EMC8: variants seen among roughly 807,000 people sequenced by gnomAD.
The protein encoded by EMC8 is COX4 neighbor.
A neutral mutation model predicts 24.3 loss-of-function variants in EMC8; 11 were observed. That is an observed-to-expected ratio of 0.45 (90% CI 0.28 to 0.75). The LOEUF (loss-of-function observed/expected upper bound fraction) is 0.75, where lower values mean the gene tolerates loss of function less well. Ranked by LOEUF, EMC8 falls within the 30% of genes least tolerant of loss-of-function variation. EMC8 has a pLI of 0.12. For synonymous variants in EMC8, 145 were observed against 117.7 expected, an observed-to-expected ratio of 1.23 and a Z score of -1.50; for missense variants, 277 against 282.7, an observed-to-expected ratio of 0.98 and a Z score of 0.14.
rs1460020392 is a variant in EMC8 at position 85,781,207 on chromosome 16, T to C, written c.378+4A>G. 3 of 1,612,308 alleles carry C rather than the reference T, an allele frequency of 1.9e-6. No homozygotes were observed. Among genetic ancestry groups the C allele is most frequent in the South Asian group, 2.2e-5 (2 of 91,010 alleles). On this transcript the variant is annotated splice_donor_region_variant and intron_variant, in intron 3 of 4. Coordinates refer to ENST00000253457, the MANE Select transcript of EMC8 (RefSeq NM_006067.5). ...CTCCCACATGCTGCACAGAAGCGAC[T>C]TACCATGATGAGCGCAGTGTCGCTG... is the stretch of plus-strand genomic sequence containing the variant.
intron 1 of EMC8, among the ~76,000 whole-genome samples, chr16:85,794,606 T>C (rs75051529): frequency 2.6e-5 from 4 of 152,238 alleles, no homozygotes; most frequent in African/African-American, 9.6e-5. Context: ...GGAGAATCGC[T>C]TGAACCTGAG....
chr16:85,799,069 G>T lies in EMC8; in HGVS notation c.227C>A (p.Thr76Asn). The change falls in exon 1 of 5, where the codon ACC becomes AAC. Residue 76 changes from threonine (T) to asparagine (N), a missense_variant. By Grantham distance (65) the Thr-to-Asn change is moderately conservative. Coordinates refer to ENST00000253457, the MANE Select transcript of EMC8 (RefSeq NM_006067.5). This position sits in a 1 kb window ranked among gnomAD's most constrained non-coding sequence, Gnocchi z 4.2. The stretch of plus-strand genomic sequence containing the variant: ...AGGGGCCCTTTCCGCGCTTACCAGG[G>T]TGAGAGCCACCTCCAGCATGGGGGC... ...ALAPMLEVAL[T>N]LIDSWCKDHS... is the part of the protein sequence containing the mutation. 4 of 1,546,358 alleles carry T rather than the reference G, an allele frequency of 2.6e-6. No homozygotes were observed. Among genetic ancestry groups the T allele is most frequent in the South Asian group, 1.2e-5 (1 of 84,384 alleles).
intron 1 of EMC8, among the ~76,000 whole-genome samples, chr16:85,794,205 G>C (rs1905145547): frequency 6.6e-6 from 1 of 152,120 alleles, no homozygotes; most frequent in African/African-American, 2.4e-5. Context: ...ATTGCCTTCA[G>C]GTTAGGAAGT....
At chr16:85,788,921 C>T in intron 2 of EMC8, 53 bp downstream of exon 2, 1 of 1,287,530 alleles carries the variant, frequency 7.8e-7, no homozygotes, top group South Asian at 1.2e-5. Flanking sequence ...GAGACGGGGT[C>T]TGCCCAACAC....
intron 1 of EMC8, among the ~76,000 whole-genome samples, chr16:85,791,045 C>CTTGG (rs903961773): frequency 6.6e-6 from 1 of 152,064 alleles, no homozygotes; most frequent in Non-Finnish European, 1.5e-5. Flanking sequence ...CCAGGCTGAT[C>CTTGG]TTGGACTCCT....
At chr16:85,781,614 CTTTTTT>C (rs10673082) in intron 2 of EMC8, 4 of 129,870 alleles carry the variant, frequency 3.1e-5, no homozygotes, top group East Asian at 2.3e-4. Flanking sequence ...TTTTTTTTTG[CTTTTTT>C]TTTTTTTTTT....
At chr16:85,781,307 C>G in intron 2 of EMC8, 27 bp from the exon 3 acceptor site, 1 of 1,371,474 alleles carries the variant, frequency 7.3e-7, no homozygotes, top group East Asian at 2.3e-5. Flanking sequence ...CTACCACATT[C>G]CAGTTAATGC....
intron 2 of EMC8, among the ~76,000 whole-genome samples, chr16:85,783,771 C>T (rs1038985878): frequency 6.6e-6 from 1 of 152,236 alleles, no homozygotes; most frequent in Non-Finnish European, 1.5e-5. Flanking sequence ...GGCCTCCTTA[C>T]TGAATTGCTT....
At chr16:85,780,341 A>G (rs765739227) in intron 4 of EMC8, 38 bp downstream of exon 4, 11 of 1,525,190 alleles carry the variant, frequency 7.2e-6, no homozygotes, top group Non-Finnish European at 9.1e-6. Flanking sequence ...CGGGCGCTGA[A>G]GGAGCCCAGC....
At chr16:85,796,956 C>G (rs1345843016) in intron 1 of EMC8, among the ~76,000 whole-genome samples, 1 of 152,226 alleles carries the variant, frequency 6.6e-6, no homozygotes, top group Non-Finnish European at 1.5e-5. Context: ...CATCCACAGC[C>G]ATATCCCTCC....
chr16:85,780,984 G>C (rs894683301), intron 3 of EMC8: 18 of 561,228 alleles, frequency 3.2e-5, no homozygotes, highest in African/African-American at 3.2e-4. Flanking sequence ...CAGGTGCTGC[G>C]GCTGGCAGGG....
intron 1 of EMC8, among the ~76,000 whole-genome samples, chr16:85,791,554 A>T (rs1321818149): frequency 6.6e-6 from 1 of 152,178 alleles, no homozygotes; most frequent in Non-Finnish European, 1.5e-5. Context: ...CACTTATGAC[A>T]ACATGCGGTG....
At chr16:85,794,171 T>C (rs1200531941) in intron 1 of EMC8, among the ~76,000 whole-genome samples, 8 of 152,226 alleles carry the variant, frequency 5.3e-5, no homozygotes, top group Non-Finnish European at 7.3e-5. Flanking sequence ...TCATAAACTA[T>C]GGCTCTAAAC....
At position 85,780,546 on chromosome 16, in the gene EMC8, G is replaced by A. The variant is rs1422423349; in HGVS notation, c.379-73C>T. ...CAGCAGCGGCAGGCGCCTCCTCGGG[G>A]CTCTCCCTGCAGCCGTGCCCACGCT... On this transcript the variant is annotated intron_variant, in intron 3 of 4. Transcript: ENST00000253457. 7 of 1,090,286 alleles carry A rather than the reference G, an allele frequency of 6.4e-6. No individual in the cohort carries two copies. In the East Asian group the frequency reaches 1.5e-4, roughly 23 times the overall value. The allele number at this position is 1,090,286 out of a possible 1,614,324, so 67.5% of individuals were successfully genotyped here. A position where few individuals can be genotyped will look rare whatever the true frequency, so the allele number is the denominator to read the frequency against.
intron 1 of EMC8, among the ~76,000 whole-genome samples, chr16:85,798,114 G>GTTTTTTTTT (rs1163747067): frequency 2.8e-5 from 2 of 72,152 alleles, no homozygotes; most frequent in African/African-American, 6.0e-5. Context: ...ACAGAAATTC[G>GTTTTTTTTT]TTTTTTTTTT....
intron 2 of EMC8, among the ~76,000 whole-genome samples, chr16:85,786,466 T>C (rs1904758753): frequency 6.6e-6 from 1 of 152,146 alleles, no homozygotes; most frequent in African/African-American, 2.4e-5. Context: ...CACTTGTGCA[T>C]TGCTGTGAGG....
At chr16:85,792,049 C>T (rs577349776) in intron 1 of EMC8, among the ~76,000 whole-genome samples, 18 of 152,260 alleles carry the variant, frequency 1.2e-4, no homozygotes, top group African/African-American at 1.7e-4. Flanking sequence ...CTGAAGACCC[C>T]CAGCAGCAGT....
intron 2 of EMC8, among the ~76,000 whole-genome samples, chr16:85,787,171 C>G (rs1213921769): frequency 2.0e-5 from 3 of 152,224 alleles, no homozygotes; most frequent in African/African-American, 7.2e-5. Flanking sequence ...TAGCATCTCC[C>G]TCCATGTGGG....
chr16:85,780,738 GA>G (rs1407711171), intron 3 of EMC8: 2 of 529,010 alleles, frequency 3.8e-6, no homozygotes, highest in Non-Finnish European at 3.4e-6. Flanking sequence ...GATTCTGTCT[GA>G]ATCAAGGCTG....
Sources: allele counts gnomAD v4.1 joint callset (sites outside exome capture counted in the v4.1 genomes callset), GRCh38; gene constraint gnomAD v4.1.1; non-coding constraint Gnocchi (gnomAD v3.1); transcripts MANE v1.5; gene names NCBI Gene and HGNC (gene_info 2026-07-23, HGNC 2026-07-21).